ANKRD42: variants seen among roughly 807,000 people sequenced by gnomAD.
ANKRD42 encodes the protein ankyrin repeat domain-containing protein 42.
ANKRD42 carries 43 observed loss-of-function variants against 51.5 expected under a neutral mutation model. The observed-to-expected ratio is 0.83, with a 90% CI of 0.65 to 1.08. The LOEUF (loss-of-function observed/expected upper bound fraction) is 1.08. Ranked by LOEUF, ANKRD42 falls within the 50% of genes least tolerant of loss-of-function variation. The pLI is 0.00. For missense variants in ANKRD42, 608 were observed against 629.3 expected (o/e 0.97, Z 0.36); for synonymous variants, 203 against 213.0 (o/e 0.95, Z 0.41).
intron 11 of ANKRD42, among the ~76,000 whole-genome samples, chr11:83,254,612 G>A (rs1405001741): frequency 1.3e-5 from 2 of 151,726 alleles, no homozygotes; most frequent in Non-Finnish European, 2.9e-5. Context: ...TGTATTTTTA[G>A]CGGAGATAGG....
chr11:83,209,162 G>T (rs903413701), intron 3 of ANKRD42, among the ~76,000 whole-genome samples: 1 of 152,156 alleles, frequency 6.6e-6, no homozygotes, highest in Non-Finnish European at 1.5e-5. Flanking sequence ...TTTAATTTCA[G>T]TTTTATCAGG....
downstream of ANKRD42, among the ~76,000 whole-genome samples, chr11:83,258,331 T>C (rs1863807714): frequency 6.6e-6 from 1 of 152,096 alleles, no homozygotes; most frequent in South Asian, 2.1e-4. Context: ...TATTGACACA[T>C]TTAGGTTAAT....
exon 12 of ANKRD42, chr11:83,255,943 A>AGG: frequency 6.6e-7 from 1 of 1,511,594 alleles, no homozygotes. Context: ...AATCAGTGAA[A>AGG]TAACTAAATT....
chr11:83,260,677 AT>A (rs1863888407), downstream of ANKRD42: 1 of 152,232 alleles, frequency 6.6e-6, no homozygotes, highest in Non-Finnish European at 1.5e-5. Flanking sequence ...TTACCAAGGC[AT>A]TATGAACTCA....
intron 10 of ANKRD42, among the ~76,000 whole-genome samples, chr11:83,247,285 C>A (rs550792540): frequency 6.6e-6 from 1 of 151,942 alleles, no homozygotes; most frequent in East Asian, 1.9e-4. Flanking sequence ...GCCAGGCTGG[C>A]CTCAAATTCC....
In ANKRD42 at chr11:83,254,433, T is replaced by TC. The variant is rs1242721582; in HGVS notation, c.1465-1412_1465-1411insC. On this transcript the variant is annotated intron_variant, in intron 11 of 11. Transcript: ENST00000260047. ...CACCTGAGTGTTTTTCTTTTTTCTTTTCTTTTTTTTTTTTTTGAGACAGGG... is the reference window on the plus strand; with the variant it reads ...CACCTGAGTGTTTTTCTTTTTTCTTTCTCTTTTTTTTTTTTTTGAGACAGGG... Among the ~76,000 whole-genome samples, 52 of 128,128 alleles carry TC rather than the reference T, an allele frequency of 4.1e-4. 2 individuals carry two copies. Among genetic ancestry groups the TC allele is most frequent in the African/African-American group, 1.4e-3 (40 of 29,310 alleles). 84.1% of individuals were successfully genotyped at this position (128,128 alleles called of 152,430 possible).
intron 5 of ANKRD42, chr11:83,213,602 T>C: frequency 9.2e-7 from 1 of 1,090,532 alleles, no homozygotes; most frequent in Non-Finnish European, 1.1e-6. Context: ...TCATTGCAGT[T>C]TCAAATTTAC....
At chr11:83,196,118 A>T (rs865833823) in intron 1 of ANKRD42, among the ~76,000 whole-genome samples, 15 of 152,248 alleles carry the variant, frequency 9.9e-5, no homozygotes, top group African/African-American at 3.6e-4. Flanking sequence ...CTGGGATTAC[A>T]GGCGTGAGCC....
Position 83,240,867 on chromosome 11 carries a change from T to G in ANKRD42, c.1128T>G (p.Gly376=). ...ATGTGAAATATTTTATAAGACATGGTGTTGAGGGAAGCACTGATGCCAAGG... is the reference window on the plus strand; with the variant it reads ...ATGTGAAATATTTTATAAGACATGGGGTTGAGGGAAGCACTGATGCCAAGG... ...ENDVKYFIRH[G]VEGSTDAKDD... is the part of the protein sequence containing the mutation. The change falls in exon 9 of 11, where the codon GGT becomes GGG. Residue 376 remains glycine, a synonymous_variant. Transcript: ENST00000533342. 11 of 1,614,072 alleles carry G rather than the reference T, an allele frequency of 6.8e-6. No individual in the cohort carries two copies. The highest frequency in any genetic ancestry group is 8.5e-6 in the Non-Finnish European group (10 of 1,179,986).
rs748222729 is a variant in ANKRD42 at position 83,198,509 on chromosome 11, T to C, written c.89T>C (p.Ile30Thr). The C allele has an allele frequency of 2.5e-6, 4 of 1,613,600 alleles. No individual in the cohort carries two copies. Among genetic ancestry groups the C allele is most frequent in the Non-Finnish European group, 3.4e-6 (4 of 1,179,716 alleles). The change falls in exon 2 of 11, where the codon ATA becomes ACA. Residue 30 changes from isoleucine (I) to threonine (T), a missense_variant. Ile to Thr is a moderately conservative substitution (Grantham distance 89). Coordinates refer to ENST00000533342, the MANE Select transcript of ANKRD42 (RefSeq NM_001300975.2). Reference protein sequence around the residue: ...CSRKKVHFGSIHDAVRAGDVK... With the variant: ...CSRKKVHFGSTHDAVRAGDVK... ...AGGAAGAAGGTGCATTTTGGCAGCA[T>C]ACATGATGCAGTACGAGCTGGAGAT...
intron 5 of ANKRD42, among the ~76,000 whole-genome samples, chr11:83,222,970 C>G (rs1862759143): frequency 6.6e-6 from 1 of 152,070 alleles, no homozygotes; most frequent in South Asian, 2.1e-4. Flanking sequence ...TCATTTTGAG[C>G]TGGGCATGGT....
chr11:83,203,622 G>T (rs1300681527), intron 2 of ANKRD42, among the ~76,000 whole-genome samples: 1 of 151,968 alleles, frequency 6.6e-6, no homozygotes, highest in Non-Finnish European at 1.5e-5. Context: ...TCAAACTCCT[G>T]ACCTTGTGAT....
chr11:83,250,707 A>G (rs1335352142), downstream of ANKRD42, among the ~76,000 whole-genome samples: 3 of 152,158 alleles, frequency 2.0e-5, no homozygotes. Flanking sequence ...ACCAAGCTCA[A>G]TATCAAGACC....
rs1565196063 is a variant in ANKRD42, at chr11:83,242,568, T to TTTTTTTTTTTTGTTTTG, written c.1195+1645_1195+1646insGTTTTGTTTTTTTTTTT. On this transcript the variant is annotated intron_variant, in intron 9 of 10. Coordinates refer to ENST00000533342, the MANE Select transcript of ANKRD42 (RefSeq NM_001300975.2). The stretch of plus-strand genomic sequence containing the variant: ...GGGAATTCGGTGAATGGTAGTTAAG[T>TTTTTTTTTTTTGTTTTG]TTTTTTTTTTTTTTTTTAGATGGAG... 6.3e-5 allele frequency among the ~76,000 whole-genome samples: 3 copies of TTTTTTTTTTTTGTTTTG among 47,342 alleles called. 1 individual carries two copies. Among genetic ancestry groups the TTTTTTTTTTTTGTTTTG allele is most frequent in the African/African-American group, 4.4e-4 (3 of 6,744 alleles). 31.1% of individuals were successfully genotyped at this position (47,342 alleles called of 152,430 possible).
rs562677722 is a variant in ANKRD42, at chr11:83,247,862, A to G, written c.1323-81A>G. 109 of 1,176,608 alleles carry G rather than the reference A, an allele frequency of 9.3e-5. No homozygotes were observed. In the South Asian group the frequency reaches 1.1e-3, roughly 12 times the overall value. The allele number at this position is 1,176,608 out of a possible 1,614,324, so 72.9% of individuals were successfully genotyped here. ...CTTTGTTTTATTTGCCTTAAATACA[A>G]TGTATGAATGCTTTCCACTACTAAA... On this transcript the variant is annotated intron_variant, in intron 10 of 10. Coordinates refer to ENST00000533342, the MANE Select transcript of ANKRD42 (RefSeq NM_001300975.2).
At chr11:83,262,760 T>TA (rs1864000610), downstream of ANKRD42, among the ~76,000 whole-genome samples, 1 of 152,232 alleles carries the variant, frequency 6.6e-6, no homozygotes, top group Non-Finnish European at 1.5e-5. Flanking sequence ...TCCTACTACT[T>TA]ACTGAAACTT....
intron 7 of ANKRD42, among the ~76,000 whole-genome samples, chr11:83,232,101 C>CTTTTTTTT: frequency 7.1e-6 from 1 of 140,530 alleles, no homozygotes; most frequent in Non-Finnish European, 1.5e-5. Flanking sequence ...TAAATTTTAG[C>CTTTTTTTT]TTTTTTTTTT....
chr11:83,216,480 T>G (rs1031526158), intron 5 of ANKRD42, among the ~76,000 whole-genome samples: 2 of 151,906 alleles, frequency 1.3e-5, no homozygotes, highest in South Asian at 2.1e-4. Context: ...GCCCGCCACC[T>G]CGCCCGGCTA....
Position 83,248,104 on chromosome 11 carries a change from A to G in ANKRD42, c.1484A>G (p.Asn495Ser). ...NFVAMVGVLF[N>S]TFIFLKKYIQ... ...GTGGCTATGGTTGGTGTCCTTTTTAATACATTTATTTTTCTCAAGAAGTAT... is the reference window on the plus strand; with the variant it reads ...GTGGCTATGGTTGGTGTCCTTTTTAGTACATTTATTTTTCTCAAGAAGTAT... The change falls in exon 11 of 11, where the codon AAT becomes AGT. Residue 495 changes from asparagine (N) to serine (S), a missense_variant. Asn to Ser is a conservative substitution (Grantham distance 46, BLOSUM62 1). Transcript: ENST00000533342. 1 of 1,553,752 alleles carries G rather than the reference A, an allele frequency of 6.4e-7. No individual in the cohort carries two copies. The highest frequency in any genetic ancestry group is 8.7e-7 in the Non-Finnish European group (1 of 1,149,560).
Sources: gnomAD v4.1 joint callset for allele counts (sites outside exome capture counted in the v4.1 genomes callset) on GRCh38, gnomAD v4.1.1 for gene constraint, MANE v1.5 for transcripts, NCBI Gene and HGNC (gene_info 2026-07-23, HGNC 2026-07-21) for gene names.